The following MTOR variants were observed in gnomAD, a reference collection of about 807,000 sequenced individuals.
The protein encoded by MTOR is mechanistic target of rapamycin kinase.
Under a neutral mutation model 319.8 loss-of-function variants are expected in MTOR, and 70 were observed. The observed-to-expected ratio is 0.22, with a 90% confidence interval of 0.18 to 0.27. The LOEUF is 0.27. Among genes scored for constraint, MTOR ranks in the 10% least tolerant of loss-of-function variants. MTOR has a pLI of 1.00. For missense variants in MTOR, 1,890 were observed against 3,274.4 expected, an observed-to-expected ratio of 0.58 and a Z score of 10.32; for synonymous variants, 1,183 against 1,211.4, an observed-to-expected ratio of 0.98 and a Z score of 0.49.
At chr1:11,207,571 G>A (rs1646176361) in intron 25 of MTOR, among the ~76,000 whole-genome samples, 1 of 146,042 alleles carries the variant, frequency 6.8e-6, no homozygotes, top group Non-Finnish European at 1.5e-5. Flanking sequence ...ACTCTGCTCA[G>A]CTAATTTTTA....
At chr1:11,245,636 T>C (rs978601303) in intron 8 of MTOR, among the ~76,000 whole-genome samples, 3 of 152,162 alleles carry the variant, frequency 2.0e-5, no homozygotes, top group African/African-American at 2.4e-5. Flanking sequence ...CCACAGCTCA[T>C]GTCTGTAATC....
chr1:11,243,059 T>A, intron 9 of MTOR, 55 bp downstream of exon 9: 3 of 1,595,794 alleles, frequency 1.9e-6, no homozygotes, highest in Non-Finnish European at 2.6e-6. Context: ...AAATAGAGCG[T>A]CCTTCCTCTC....
In MTOR at chr1:11,222,967, ATC is replaced by A. The variant is rs140048313; in HGVS notation, c.3030+5699_3030+5700del. 7.2e-3 allele frequency among the ~76,000 whole-genome samples: 1,094 copies of A among 152,254 alleles called. 9 individuals are homozygous for A. Among genetic ancestry groups the A allele is most frequent in the African/African-American group, 0.023 (956 of 41,552 alleles). ...ACTAGCAGTGGGTCATATGGAAAAT[ATC>A]TGTTTACTAAATGTTGAAATAGGAG... is the stretch of plus-strand genomic sequence containing the variant. On this transcript the variant is annotated intron_variant, in intron 19 of 57. Transcript: ENST00000361445.
chr1:11,175,562 C>A (rs549861863), intron 28 of MTOR, among the ~76,000 whole-genome samples: 1 of 152,286 alleles, frequency 6.6e-6, no homozygotes, highest in South Asian at 2.1e-4. Context: ...AACATCTTAT[C>A]CCCACTATCC....
intron 5 of MTOR, 78 bp downstream of exon 5, chr1:11,255,914 T>C (rs1266933609): frequency 5.9e-6 from 8 of 1,360,360 alleles, no homozygotes; most frequent in African/African-American, 5.8e-5. Flanking sequence ...TGGCAAGGGC[T>C]TGTGGCTGCC....
rs534342271 is a variant in MTOR, at chr1:11,115,926, G to A, written c.7017-458C>T. 6.6e-6 allele frequency among the ~76,000 whole-genome samples: 1 copy of A among 152,324 alleles called. No homozygotes were observed. Among genetic ancestry groups the A allele is most frequent in the African/African-American group, 2.4e-5 (1 of 41,574 alleles). ...GCTCTATCATTTTTACTGAGCAGCC[G>A]TAACAGGGTCTCATCTCCTTAAGTC... is the stretch of plus-strand genomic sequence containing the variant. On this transcript the variant is annotated intron_variant, in intron 50 of 57. Coordinates refer to ENST00000361445, the MANE Select transcript of MTOR (RefSeq NM_004958.4). The surrounding 1 kb of genome is among the most constrained non-coding windows in gnomAD (Gnocchi z 4.5).
chr1:11,197,386 A>C (rs1376710949), intron 28 of MTOR, among the ~76,000 whole-genome samples: 1 of 152,194 alleles, frequency 6.6e-6, no homozygotes, highest in Admixed American at 6.5e-5. Flanking sequence ...AATCAGAAGT[A>C]AAAACTGCAA....
chr1:11,207,290 G>A (rs1455221260), intron 25 of MTOR, among the ~76,000 whole-genome samples: 1 of 151,680 alleles, frequency 6.6e-6, no homozygotes, highest in Non-Finnish European at 1.5e-5. Flanking sequence ...TTTGTAGAGG[G>A]GGAATTTTGC....
At chr1:11,175,221 A>T (rs925932745) in intron 28 of MTOR, among the ~76,000 whole-genome samples, 3 of 152,212 alleles carry the variant, frequency 2.0e-5, no homozygotes, top group African/African-American at 7.2e-5. Flanking sequence ...GCATAATAGA[A>T]TCCAGAGCCC....
intron 5 of MTOR, 47 bp downstream of exon 5, chr1:11,255,945 T>C (rs887463261): frequency 6.4e-7 from 1 of 1,571,926 alleles, no homozygotes; most frequent in African/African-American, 1.3e-5. Context: ...GGTGATTCTC[T>C]ACGCAGATGT....
intron 28 of MTOR, chr1:11,195,307 T>C (rs1645744154): frequency 6.1e-6 from 2 of 330,324 alleles, no homozygotes; most frequent in East Asian, 1.0e-4. Context: ...TAGCAGTAGC[T>C]TGTCTTTTCC....
Position 11,194,683 on chromosome 1 carries a change from G to A in MTOR, c.4253+4575C>T, listed in dbSNP as rs200767191. ...AGGTGAGATTTGGGGGGACCGGAAA[G>A]GAGAAGTTCAGGTACAAGCTCATAA... On this transcript the variant is annotated intron_variant, in intron 28 of 57. Coordinates refer to ENST00000361445, the MANE Select transcript of MTOR (RefSeq NM_004958.4). 2,100 of 1,613,928 alleles carry A rather than the reference G, an allele frequency of 1.3e-3. 12 individuals are homozygous for A. Among genetic ancestry groups the A allele is most frequent in the Non-Finnish European group, 1.2e-3 (1,463 of 1,179,884 alleles).
chr1:11,227,171 C>A (rs1646867603), intron 19 of MTOR, among the ~76,000 whole-genome samples: 2 of 150,258 alleles, frequency 1.3e-5, no homozygotes, highest in Admixed American at 1.3e-4. Context: ...GGTGGTGCAC[C>A]CCTGTAATCC....
chr1:11,109,819 T>C lies in MTOR; in HGVS notation c.7367-90A>G. The C allele has an allele frequency of 9.1e-7, 1 of 1,096,094 alleles. No individual in the cohort carries two copies. Among genetic ancestry groups the C allele is most frequent in the South Asian group, 1.3e-5 (1 of 79,584 alleles). The allele number at this position is 1,096,094 out of a possible 1,614,324, so 67.9% of individuals were successfully genotyped here. A position where few individuals can be genotyped will look rare whatever the true frequency, so the allele number is the denominator to read the frequency against. On this transcript the variant is annotated intron_variant, in intron 54 of 57. Coordinates refer to ENST00000361445, the MANE Select transcript of MTOR (RefSeq NM_004958.4). This position sits in a 1 kb window ranked among gnomAD's most constrained non-coding sequence, Gnocchi z 4.0. The stretch of plus-strand genomic sequence containing the variant: ...TCTAATTCTCTACGCACTCTATTCC[T>C]TTAACGCCTGCCCTACCTACCCTAA...
chr1:11,138,254 C>T (rs1053956681), intron 36 of MTOR, among the ~76,000 whole-genome samples: 1 of 152,178 alleles, frequency 6.6e-6, no homozygotes, highest in African/African-American at 2.4e-5. Context: ...GGAGGTCAGG[C>T]TTTGAATCAG....
chr1:11,151,185 G>A (rs569678869), intron 30 of MTOR, among the ~76,000 whole-genome samples: 1 of 152,230 alleles, frequency 6.6e-6, no homozygotes, highest in African/African-American at 2.4e-5. Context: ...AGGAATCTAG[G>A]CTGAGCTCAC....
rs989129058 is a variant in MTOR, at chr1:11,194,407, C to G, written c.4253+4851G>C. ...TGTCAGGAGAGAAGGGGTATAGAGACAGCATGAAATGGAGCCTGCTGCACT... is the reference window on the plus strand; with the variant it reads ...TGTCAGGAGAGAAGGGGTATAGAGAGAGCATGAAATGGAGCCTGCTGCACT... On this transcript the variant is annotated intron_variant, in intron 28 of 57. Transcript: ENST00000361445. 7.3e-5 allele frequency: 113 copies of G among 1,556,346 alleles called. No individual in the cohort carries two copies. The Admixed American group carries it at 1.9e-3, about 26-fold the overall frequency.
chr1:11,212,983 G>T lies in MTOR; in HGVS notation c.3286-75C>A. 1.7e-6 allele frequency: 2 copies of T among 1,181,194 alleles called. No homozygotes were observed. The highest frequency in any genetic ancestry group is 2.5e-6 in the Non-Finnish European group (2 of 795,078). The allele number at this position is 1,181,194 out of a possible 1,614,324, so 73.2% of individuals were successfully genotyped here. ...CTAAGGACACGCAGCGGGTGGTGGT[G>T]TAGACAATTCAAAGTTCTCTGGGGA... is the stretch of plus-strand genomic sequence containing the variant. On this transcript the variant is annotated intron_variant, in intron 21 of 57. Transcript: ENST00000361445. This position sits in a 1 kb window ranked among gnomAD's most constrained non-coding sequence, Gnocchi z 4.1.
intron 28 of MTOR, among the ~76,000 whole-genome samples, chr1:11,175,746 GTT>G (rs34392850): frequency 9.5e-5 from 13 of 137,232 alleles, no homozygotes; most frequent in Admixed American, 1.5e-4. Context: ...TCCCTAGCAG[GTT>G]TTTTTTTTTT....
Sources: gnomAD v4.1 joint callset for allele counts (sites outside exome capture counted in the v4.1 genomes callset) on GRCh38, gnomAD v4.1.1 for gene constraint, Gnocchi (gnomAD v3.1) non-coding constraint, MANE v1.5 for transcripts, NCBI Gene and HGNC (gene_info 2026-07-23, HGNC 2026-07-21) for gene names.